The following SAMD5 variants were observed in gnomAD, a reference collection of about 807,000 sequenced individuals.
SAMD5 encodes the protein sterile alpha motif domain-containing protein 5.
SAMD5 carries 13 observed loss-of-function variants against 11.3 expected under a neutral mutation model. The ratio of observed to expected loss-of-function variants is 1.15; its 90% CI spans 0.75 to 1.83. The LOEUF is 1.83. SAMD5 is among the 40% of genes most tolerant of loss of function. The pLI is 0.00. For missense variants in SAMD5, 255 were observed against 239.1 expected (o/e 1.07, Z -0.44); for synonymous variants, 129 against 111.3 (o/e 1.16, Z -1.00).
chr6:147,919,620 A>C, the SAMD5 span, among the ~76,000 whole-genome samples: 1 of 152,196 alleles, frequency 6.6e-6, no homozygotes, highest in Admixed American at 6.5e-5. Flanking sequence ...AAAAACCACA[A>C]TACTTTTCCT....
intron 1 of SAMD5, among the ~76,000 whole-genome samples, chr6:147,671,213 A>G (rs1185544470): frequency 6.6e-6 from 1 of 152,184 alleles, no homozygotes; most frequent in African/African-American, 2.4e-5. Context: ...CAACAACTAC[A>G]GGGGTAACAT....
intron 1 of SAMD5, among the ~76,000 whole-genome samples, chr6:147,694,100 A>T (rs1791142118): frequency 6.6e-6 from 1 of 152,214 alleles, no homozygotes; most frequent in African/African-American, 2.4e-5. Flanking sequence ...GACAACAAGA[A>T]GTGACTTTAT....
chr6:147,844,575 T>G, the SAMD5 span, among the ~76,000 whole-genome samples: 1 of 151,962 alleles, frequency 6.6e-6, no homozygotes, highest in Non-Finnish European at 1.5e-5. Context: ...ATAGCCAAAA[T>G]ATGGGAACAA....
the SAMD5 span, among the ~76,000 whole-genome samples, chr6:147,777,956 A>T: frequency 3.3e-5 from 5 of 152,298 alleles, no homozygotes; most frequent in South Asian, 1.0e-3. Context: ...TATTGTTAAT[A>T]ATGCTGATAT....
intron 1 of SAMD5, among the ~76,000 whole-genome samples, chr6:147,679,701 G>T (rs562976510): frequency 6.6e-6 from 1 of 151,262 alleles, no homozygotes; most frequent in Non-Finnish European, 1.5e-5. Flanking sequence ...TCATTTTGTT[G>T]TCATATCTAA....
At chr6:147,825,116 G>A in the SAMD5 span, among the ~76,000 whole-genome samples, 177 of 152,216 alleles carry the variant, frequency 1.2e-3, no homozygotes, top group Non-Finnish European at 1.9e-3. Context: ...GGCCAACATA[G>A]TGAAACCCCG....
In SAMD5 at chr6:147,565,010, G is replaced by A. The variant is rs1789014033; in HGVS notation, c.*554G>A. On this transcript the variant is annotated 3_prime_UTR_variant, in exon 2 of 2. Transcript: ENST00000367474. The stretch of plus-strand genomic sequence containing the variant: ...TTGGTGAAGGAATTCTTATTTTAAG[G>A]TGCTTTTATATAGTTATTTTGTATA... The A allele has an allele frequency of 1.1e-6, 1 of 908,552 alleles. No individual in the cohort carries two copies. The highest frequency in any genetic ancestry group is 1.3e-6 in the Non-Finnish European group (1 of 760,600). 56.3% of individuals were successfully genotyped at this position (908,552 alleles called of 1,614,324 possible). A position where few individuals can be genotyped will look rare whatever the true frequency, so the allele number is the denominator to read the frequency against.
intron 1 of SAMD5, among the ~76,000 whole-genome samples, chr6:147,575,625 T>C (rs1789206677): frequency 6.6e-6 from 1 of 152,264 alleles, no homozygotes; most frequent in Non-Finnish European, 1.5e-5. Context: ...ATCCATTTCA[T>C]TTTACCAACT....
chr6:147,604,673 G>A (rs986898480), intron 1 of SAMD5, among the ~76,000 whole-genome samples: 12 of 152,146 alleles, frequency 7.9e-5, no homozygotes, highest in African/African-American at 2.2e-4. Context: ...ATTCTCCAGC[G>A]CATTGACTTA....
chr6:147,868,456 T>C, the SAMD5 span, among the ~76,000 whole-genome samples: 1 of 152,206 alleles, frequency 6.6e-6, no homozygotes, highest in Non-Finnish European at 1.5e-5. Flanking sequence ...TTGTGGGACT[T>C]AATTAATTAC....
At chr6:147,854,642 G>C in the SAMD5 span, among the ~76,000 whole-genome samples, 1 of 152,040 alleles carries the variant, frequency 6.6e-6, no homozygotes, top group Non-Finnish European at 1.5e-5. Context: ...TGTTAATTCT[G>C]TGCCCAGAAG....
At chr6:147,918,579 T>G in the SAMD5 span, among the ~76,000 whole-genome samples, 1 of 152,110 alleles carries the variant, frequency 6.6e-6, no homozygotes, top group Admixed American at 6.5e-5. Flanking sequence ...GATGACATGA[T>G]TGTATATTTA....
At chr6:147,921,590 G>T in the SAMD5 span, among the ~76,000 whole-genome samples, 2 of 152,140 alleles carry the variant, frequency 1.3e-5, no homozygotes, top group South Asian at 2.1e-4. Flanking sequence ...GGACTCAGGG[G>T]ACTTTTCCAA....
chr6:147,863,513 A>C, the SAMD5 span, among the ~76,000 whole-genome samples: 2 of 152,188 alleles, frequency 1.3e-5, no homozygotes, highest in Non-Finnish European at 2.9e-5. Flanking sequence ...CTGAAGCAAA[A>C]ACTTAAGTAG....
chr6:147,589,598 T>A lies in SAMD5; in HGVS notation c.162+80211T>A, dbSNP rs571922736. Among the ~76,000 whole-genome samples the A allele has an allele frequency of 5.3e-5, 8 of 152,296 alleles. No individual in the cohort carries two copies. In the South Asian group the frequency reaches 1.4e-3, roughly 28 times the overall value. On this transcript the variant is annotated intron_variant, in intron 1 of 1. Coordinates refer to the SAMD5 transcript ENST00000566741. The stretch of plus-strand genomic sequence containing the variant: ...GAGCACAGGGGAATGGTAGTAGCAC[T>A]TCTTAGAAAGGCAGTAAAATATAGC...
intron 1 of SAMD5, among the ~76,000 whole-genome samples, chr6:147,524,186 G>A (rs778012821): frequency 1.3e-5 from 2 of 151,920 alleles, no homozygotes; most frequent in African/African-American, 4.8e-5. Context: ...TGAAAATGGT[G>A]GTGAATTGAC....
chr6:147,719,351 G>A (rs1791514956), intron 1 of SAMD5, among the ~76,000 whole-genome samples: 1 of 152,102 alleles, frequency 6.6e-6, no homozygotes, highest in African/African-American at 2.4e-5. Flanking sequence ...TTAAAGATGG[G>A]GGTGCTGAGC....
intron 1 of SAMD5, among the ~76,000 whole-genome samples, chr6:147,527,739 A>T (rs1788365087): frequency 1.3e-5 from 2 of 152,228 alleles, no homozygotes; most frequent in Non-Finnish European, 2.9e-5. Flanking sequence ...CTGTAAAATC[A>T]AAAACTAGTT....
chr6:147,698,229 T>G (rs912237777), intron 1 of SAMD5, among the ~76,000 whole-genome samples: 2 of 151,842 alleles, frequency 1.3e-5, no homozygotes, highest in Non-Finnish European at 2.9e-5. Flanking sequence ...GGCCCCGGGG[T>G]TGGGGACCCC....
Sources: allele counts gnomAD v4.1 joint callset (sites outside exome capture counted in the v4.1 genomes callset), GRCh38; gene constraint gnomAD v4.1.1; transcripts MANE v1.5; gene names NCBI Gene and HGNC (gene_info 2026-07-23, HGNC 2026-07-21).